Variants in PPARGC1A observed in about 807,000 individuals in gnomAD.
The protein encoded by PPARGC1A is peroxisome proliferator-activated receptor gamma coactivator 1-alpha.
A neutral mutation model predicts 88.7 loss-of-function variants in PPARGC1A; 25 were observed. That is an observed-to-expected ratio of 0.28 (90% CI 0.21 to 0.39). The LOEUF is 0.39. Ranked by LOEUF, PPARGC1A falls within the 10% of genes least tolerant of loss-of-function variation. PPARGC1A has a pLI of 1.00. For missense variants in PPARGC1A, 880 were observed against 968.7 expected, an observed-to-expected ratio of 0.91 and a Z score of 1.22; for synonymous variants, 363 against 355.6, an observed-to-expected ratio of 1.02 and a Z score of -0.24.
chr4:24,318,395 C>T, the PPARGC1A span, among the ~76,000 whole-genome samples: 4 of 152,274 alleles, frequency 2.6e-5, no homozygotes, highest in African/African-American at 9.6e-5. Context: ...TTCAGGTAGA[C>T]TAGAAGGAAC....
chr4:24,296,241 G>T, the PPARGC1A span, among the ~76,000 whole-genome samples: 1 of 150,806 alleles, frequency 6.6e-6, no homozygotes, highest in African/African-American at 2.4e-5. Context: ...AGGGTATCCA[G>T]TTGAATTTTA....
chr4:24,462,314 C>A, the PPARGC1A span, among the ~76,000 whole-genome samples: 4 of 148,840 alleles, frequency 2.7e-5, no homozygotes, highest in East Asian at 7.9e-4. Context: ...TCAGGCTGGT[C>A]TCGAACTCCT....
At chr4:24,007,962 C>G in the PPARGC1A span, among the ~76,000 whole-genome samples, 2 of 152,160 alleles carry the variant, frequency 1.3e-5, no homozygotes, top group African/African-American at 4.8e-5. Context: ...CCGTCGTCTC[C>G]CGCTCCTTAC....
At chr4:24,020,998 G>A in the PPARGC1A span, among the ~76,000 whole-genome samples, 4 of 152,166 alleles carry the variant, frequency 2.6e-5, no homozygotes, top group African/African-American at 9.7e-5. Context: ...AAAACATGAG[G>A]GCTTCCAGTC....
the PPARGC1A span, among the ~76,000 whole-genome samples, chr4:24,430,251 A>ATTTTTTT: frequency 3.8e-5 from 5 of 131,740 alleles, no homozygotes; most frequent in East Asian, 4.6e-4. Flanking sequence ...GATATTTTGT[A>ATTTTTTT]TTTCTTTTTT....
At chr4:24,028,249 A>T in the PPARGC1A span, among the ~76,000 whole-genome samples, 1 of 152,222 alleles carries the variant, frequency 6.6e-6, no homozygotes, top group East Asian at 1.9e-4. Context: ...ATGACAAAAT[A>T]AAACAATTTC....
intron 3 of PPARGC1A, 122 bp downstream of exon 3, chr4:23,831,435 G>A (rs1003775430): frequency 1.2e-6 from 1 of 816,680 alleles, no homozygotes. Context: ...AGTGTGCTTG[G>A]GGATTGCTTT....
At chr4:23,800,290 T>A (rs1718430242) in intron 12 of PPARGC1A, among the ~76,000 whole-genome samples, 1 of 152,108 alleles carries the variant, frequency 6.6e-6, no homozygotes, top group African/African-American at 2.4e-5. Flanking sequence ...ACAAGACACT[T>A]ATCACTTTCC....
chr4:23,875,778 G>T (rs937004693), intron 2 of PPARGC1A: 2 of 152,124 alleles, frequency 1.3e-5, no homozygotes, highest in Non-Finnish European at 2.9e-5. Context: ...GTAATGGAGG[G>T]TAATTATCAT....
the PPARGC1A span, among the ~76,000 whole-genome samples, chr4:24,472,663 TGCC>T: frequency 4.6e-5 from 7 of 151,472 alleles, no homozygotes; most frequent in African/African-American, 4.9e-5. The surrounding 1 kb of genome is among the most constrained non-coding windows in gnomAD (Gnocchi z 4.5). Context: ...ATGCTCGGGC[TGCC>T]GCCGCCGCCG....
At chr4:24,226,015 G>GA in the PPARGC1A span, among the ~76,000 whole-genome samples, 1 of 152,094 alleles carries the variant, frequency 6.6e-6, no homozygotes. Context: ...CACAAAACGG[G>GA]AAAGGATGAG....
the PPARGC1A span, among the ~76,000 whole-genome samples, chr4:23,992,807 C>CA: frequency 5.9e-5 from 9 of 152,090 alleles, no homozygotes; most frequent in Admixed American, 3.3e-4. Context: ...TCTATGTATA[C>CA]ACATGGAAAT....
the PPARGC1A span, among the ~76,000 whole-genome samples, chr4:24,098,100 G>C: frequency 1.3e-5 from 2 of 152,154 alleles, no homozygotes; most frequent in African/African-American, 4.8e-5. Context: ...GGAAAGAAAA[G>C]TTACTCTTCA....
chr4:24,101,516 A>G, the PPARGC1A span, among the ~76,000 whole-genome samples: 1 of 152,232 alleles, frequency 6.6e-6, no homozygotes, highest in Non-Finnish European at 1.5e-5. Flanking sequence ...TTGAAGTAAC[A>G]GTTACCCTAA....
At chr4:23,960,654 G>A in the PPARGC1A span, among the ~76,000 whole-genome samples, 1 of 152,122 alleles carries the variant, frequency 6.6e-6, no homozygotes, top group East Asian at 1.9e-4. Flanking sequence ...TTCCGGCAGA[G>A]AGCACCATCA....
At chr4:24,236,394 C>CAG in the PPARGC1A span, among the ~76,000 whole-genome samples, 1 of 152,284 alleles carries the variant, frequency 6.6e-6, no homozygotes, top group African/African-American at 2.4e-5. Flanking sequence ...ATCTTGAAGA[C>CAG]AGAGGACTTC....
chr4:23,984,560 A>G, the PPARGC1A span, among the ~76,000 whole-genome samples: 1 of 152,274 alleles, frequency 6.6e-6, no homozygotes. Context: ...GATGCTTTAA[A>G]AAAAGTCTTA....
chr4:24,292,335 G>A, the PPARGC1A span, among the ~76,000 whole-genome samples: 11 of 152,076 alleles, frequency 7.2e-5, no homozygotes, highest in African/African-American at 2.4e-4. Context: ...GATAAGTCAG[G>A]ACTGCTGTCC....
chr4:23,801,391 A>G (rs982008106), intron 12 of PPARGC1A, among the ~76,000 whole-genome samples: 4 of 152,134 alleles, frequency 2.6e-5, no homozygotes, highest in Non-Finnish European at 4.4e-5. Context: ...AGATACACAC[A>G]ATACATGCAC....
Sources: gnomAD v4.1 joint callset for allele counts (sites outside exome capture counted in the v4.1 genomes callset) on GRCh38, gnomAD v4.1.1 for gene constraint, Gnocchi (gnomAD v3.1) non-coding constraint, MANE v1.5 for transcripts, NCBI Gene and HGNC (gene_info 2026-07-23, HGNC 2026-07-21) for gene names.